FBXO34: variants seen among roughly 807,000 people sequenced by gnomAD.
The protein encoded by FBXO34 is F-box protein 34.
In FBXO34, 12 loss-of-function variants were observed where a neutral mutation model predicts 24.5. The observed-to-expected ratio is 0.49, with a 90% confidence interval of 0.31 to 0.79. The LOEUF (loss-of-function observed/expected upper bound fraction) is 0.79. Ranked by LOEUF, FBXO34 falls within the 30% of genes least tolerant of loss-of-function variation. FBXO34 has a pLI of 0.04. For missense variants in FBXO34, 823 were observed against 857.7 expected (o/e 0.96, Z 0.51); for synonymous variants, 320 against 311.9 (o/e 1.03, Z -0.27).
At chr14:55,337,038 C>T (rs577545168) in intron 1 of FBXO34, among the ~76,000 whole-genome samples, 4 of 149,658 alleles carry the variant, frequency 2.7e-5, no homozygotes, top group African/African-American at 9.8e-5. Context: ...TGCAATGACA[C>T]TATCTTGGCT....
the FBXO34 span, among the ~76,000 whole-genome samples, chr14:55,420,350 T>G: frequency 5.0e-4 from 76 of 152,320 alleles, 1 homozygote; most frequent in Non-Finnish European, 7.4e-5. Context: ...AGCCAGGCCC[T>G]TAAGTTTTTA....
the FBXO34 span, among the ~76,000 whole-genome samples, chr14:55,400,963 T>G: frequency 3.3e-5 from 5 of 151,230 alleles, no homozygotes; most frequent in Admixed American, 2.6e-4. Flanking sequence ...TAAAATAAAC[T>G]GCTTAGTCAA....
the FBXO34 span, chr14:55,424,134 G>A: frequency 5.9e-6 from 9 of 1,533,538 alleles, no homozygotes; most frequent in Admixed American, 8.5e-5. Flanking sequence ...CATTTTATGA[G>A]TCAGAAAATA....
intron 1 of FBXO34, among the ~76,000 whole-genome samples, chr14:55,321,208 T>C (rs748804294): frequency 6.6e-6 from 1 of 151,096 alleles, no homozygotes; most frequent in Non-Finnish European, 1.5e-5. Flanking sequence ...AAATAGATGA[T>C]ACTTATCAGG....
At chr14:55,421,578 C>T in the FBXO34 span, among the ~76,000 whole-genome samples, 1 of 152,190 alleles carries the variant, frequency 6.6e-6, no homozygotes, top group Non-Finnish European at 1.5e-5. Flanking sequence ...ATTCTCCTGC[C>T]TCAGCCTCCC....
chr14:55,276,051 A>C (rs1430740626), intron 1 of FBXO34, among the ~76,000 whole-genome samples: 1 of 152,212 alleles, frequency 6.6e-6, no homozygotes, highest in Non-Finnish European at 1.5e-5. Flanking sequence ...ACAAGTGCTC[A>C]AGGCCAGAAC....
intron 1 of FBXO34, among the ~76,000 whole-genome samples, chr14:55,305,682 G>A (rs1882519350): frequency 2.0e-5 from 3 of 149,864 alleles, no homozygotes; most frequent in Admixed American, 6.6e-5. Flanking sequence ...AAAAAAAAAA[G>A]TCTTAAAGCC....
chr14:55,308,929 A>G (rs1392097656), intron 1 of FBXO34, among the ~76,000 whole-genome samples: 2 of 152,336 alleles, frequency 1.3e-5, no homozygotes, highest in East Asian at 3.9e-4. Flanking sequence ...TTTGTCATCA[A>G]CAGAAATCAC....
intron 1 of FBXO34, among the ~76,000 whole-genome samples, chr14:55,284,136 C>T (rs1881669194): frequency 6.6e-6 from 1 of 152,068 alleles, no homozygotes; most frequent in Admixed American, 6.6e-5. Flanking sequence ...GTAGCTAGGA[C>T]TTACAAGCAT....
At chr14:55,312,149 G>T (rs1412798108) in intron 1 of FBXO34, among the ~76,000 whole-genome samples, 1 of 151,968 alleles carries the variant, frequency 6.6e-6, no homozygotes, top group Non-Finnish European at 1.5e-5. Flanking sequence ...GCAGTGAGCT[G>T]AGATCACACC....
At chr14:55,340,932 A>G (rs1342670477) in intron 1 of FBXO34, among the ~76,000 whole-genome samples, 1 of 152,266 alleles carries the variant, frequency 6.6e-6, no homozygotes, top group Admixed American at 6.5e-5. Flanking sequence ...CTTTGAAAGT[A>G]CTGCAAGTGA....
At chr14:55,372,337 T>A (rs1011934002), downstream of FBXO34, among the ~76,000 whole-genome samples, 1 of 152,146 alleles carries the variant, frequency 6.6e-6, no homozygotes, top group African/African-American at 2.4e-5. Context: ...TCTCTCCTCC[T>A]GGCACGCACC....
At chr14:55,363,451 C>G (rs1884620457), downstream of FBXO34, among the ~76,000 whole-genome samples, 1 of 151,984 alleles carries the variant, frequency 6.6e-6, no homozygotes, top group Non-Finnish European at 1.5e-5. Flanking sequence ...CCTCAGCTTC[C>G]CGAGTAGCTG....
At chr14:55,390,596 C>T in the FBXO34 span, among the ~76,000 whole-genome samples, 1 of 152,164 alleles carries the variant, frequency 6.6e-6, no homozygotes, top group Non-Finnish European at 1.5e-5. Context: ...TGGTCTCGAT[C>T]TCCTGACCTT....
chr14:55,325,775 G>A (rs1050725049), intron 1 of FBXO34: 2 of 152,226 alleles, frequency 1.3e-5, no homozygotes, highest in African/African-American at 4.8e-5. Flanking sequence ...ATGCCTGGCT[G>A]TAAACTAAAC....
intron 1 of FBXO34, among the ~76,000 whole-genome samples, chr14:55,315,217 TTATG>T (rs1882888197): frequency 6.6e-6 from 1 of 152,200 alleles, no homozygotes; most frequent in South Asian, 2.1e-4. Flanking sequence ...TCCATGAAAT[TTATG>T]TTTTTCTTTA....
chr14:55,288,424 TTTAA>T (rs1220021163), intron 1 of FBXO34, among the ~76,000 whole-genome samples: 1 of 151,968 alleles, frequency 6.6e-6, no homozygotes, highest in African/African-American at 2.4e-5. Flanking sequence ...AATTAAATGG[TTTAA>T]TTAAGAGTAG....
At chr14:55,318,696 T>G (rs1379389675) in intron 1 of FBXO34, among the ~76,000 whole-genome samples, 1 of 151,856 alleles carries the variant, frequency 6.6e-6, no homozygotes, top group African/African-American at 2.4e-5. Flanking sequence ...TATATGGATG[T>G]ATGAGGAGAT....
intron 1 of FBXO34, among the ~76,000 whole-genome samples, chr14:55,296,508 C>CA (rs1882138094): frequency 6.8e-6 from 1 of 147,970 alleles, no homozygotes; most frequent in African/African-American, 2.5e-5. Flanking sequence ...AATTATCCTG[C>CA]ATCAGCCTCC....
Sources: gnomAD v4.1 joint callset for allele counts (sites outside exome capture counted in the v4.1 genomes callset) on GRCh38, gnomAD v4.1.1 for gene constraint, MANE v1.5 for transcripts, NCBI Gene and HGNC (gene_info 2026-07-23, HGNC 2026-07-21) for gene names.